CCDC7: variants seen among roughly 807,000 people sequenced by gnomAD.
The protein encoded by CCDC7 is coiled-coil domain containing 7, also known as coiled-coil domain-containing protein 7.
Under a neutral mutation model 196.9 loss-of-function variants are expected in CCDC7, and 183 were observed. The observed-to-expected ratio is 0.93, with a 90% CI of 0.82 to 1.05. CCDC7 has a LOEUF of 1.05. Ranked by LOEUF, CCDC7 falls within the 50% of genes least tolerant of loss-of-function variation. The pLI is 0.00. For synonymous variants in CCDC7, 525 were observed against 484.6 expected, an observed-to-expected ratio of 1.08 and a Z score of -1.10; for missense variants, 1,540 against 1,482.2, an observed-to-expected ratio of 1.04 and a Z score of -0.64.
At chr10:32,797,277 A>G (rs1255989347) in intron 29 of CCDC7, among the ~76,000 whole-genome samples, 1 of 151,198 alleles carries the variant, frequency 6.6e-6, no homozygotes, top group Non-Finnish European at 1.5e-5. Context: ...ATGCGTATAT[A>G]TATACATATG....
chr10:32,703,149 G>T (rs2079055251), intron 24 of CCDC7, among the ~76,000 whole-genome samples: 2 of 152,112 alleles, frequency 1.3e-5, no homozygotes, highest in South Asian at 2.1e-4. Context: ...GCAGTGGCTG[G>T]TACTGGTTGT....
At chr10:32,619,898 C>T (rs11593502) in intron 18 of CCDC7, among the ~76,000 whole-genome samples, 20,180 of 145,016 alleles carry the variant, frequency 0.14, 1,707 homozygotes, top group African/African-American at 0.24. Flanking sequence ...TGCTCCCAGC[C>T]CTTCAATGTA....
intron 28 of CCDC7, among the ~76,000 whole-genome samples, chr10:32,777,778 C>T (rs547933270): frequency 3.3e-5 from 5 of 152,074 alleles, no homozygotes; most frequent in Admixed American, 2.0e-4. Context: ...ACAGGAGAAT[C>T]GCTTGAACCT....
chr10:32,784,383 C>CTTA, intron 29 of CCDC7, among the ~76,000 whole-genome samples: 1 of 152,086 alleles, frequency 6.6e-6, no homozygotes, highest in South Asian at 2.1e-4. Flanking sequence ...GCACACCCCA[C>CTTA]GGCCCTCTGA....
At chr10:32,463,911 T>TC (rs2133729332) in intron 5 of CCDC7, among the ~76,000 whole-genome samples, 2 of 152,324 alleles carry the variant, frequency 1.3e-5, no homozygotes, top group African/African-American at 4.8e-5. Context: ...GGCATAGAGG[T>TC]CATTATCCTT....
intron 20 of CCDC7, among the ~76,000 whole-genome samples, chr10:32,655,969 A>G (rs904208331): frequency 5.9e-5 from 9 of 152,166 alleles, no homozygotes; most frequent in African/African-American, 1.9e-4. Context: ...TATCAGATCT[A>G]TAGTTTGCAA....
chr10:32,745,279 G>T (rs914687188), intron 28 of CCDC7, among the ~76,000 whole-genome samples: 2 of 152,156 alleles, frequency 1.3e-5, no homozygotes, highest in Non-Finnish European at 2.9e-5. Context: ...GTTGTCTCTT[G>T]TCTTAGTTCC....
chr10:32,637,056 G>A lies in CCDC7; in HGVS notation c.2014+1898G>A, dbSNP rs561912634. Among the ~76,000 whole-genome samples the A allele has an allele frequency of 1.6e-3, 237 of 152,196 alleles. 2 individuals are homozygous for A. Among genetic ancestry groups the A allele is most frequent in the African/African-American group, 5.3e-3 (221 of 41,518 alleles). Reference sequence around the variant, plus strand: ...TGAGAAGTGTTTGTTCATATCTTTCGCCCACTTTTTGATGGGGTTGTTTGT... The same window carrying A: ...TGAGAAGTGTTTGTTCATATCTTTCACCCACTTTTTGATGGGGTTGTTTGT... On this transcript the variant is annotated intron_variant, in intron 20 of 41. Transcript: ENST00000639629.
intron 28 of CCDC7, among the ~76,000 whole-genome samples, chr10:32,773,358 T>G (rs900970222): frequency 7.9e-5 from 12 of 152,210 alleles, no homozygotes; most frequent in African/African-American, 2.9e-4. Flanking sequence ...TTCTTCATTG[T>G]TTTTTATTCA....
intron 11 of CCDC7, among the ~76,000 whole-genome samples, chr10:32,530,346 G>A (rs778482773): frequency 2.0e-5 from 3 of 151,452 alleles, no homozygotes; most frequent in East Asian, 3.9e-4. Flanking sequence ...CATTGAGTTT[G>A]TAGATTGCTT....
At chr10:32,590,441 A>G (rs1371030771) in intron 18 of CCDC7, among the ~76,000 whole-genome samples, 1 of 152,014 alleles carries the variant, frequency 6.6e-6, no homozygotes, top group Non-Finnish European at 1.5e-5. Context: ...ATTGTTAACT[A>G]TGTCTTGGAA....
intron 18 of CCDC7, among the ~76,000 whole-genome samples, chr10:32,586,388 A>G (rs1268089362): frequency 6.6e-6 from 1 of 151,934 alleles, no homozygotes; most frequent in Admixed American, 6.6e-5. Context: ...ATTAGATCTT[A>G]TTTGTCAATT....
intron 41 of CCDC7, among the ~76,000 whole-genome samples, chr10:32,857,711 G>A (rs2093806218): frequency 6.6e-6 from 1 of 151,866 alleles, no homozygotes; most frequent in Non-Finnish European, 1.5e-5. Flanking sequence ...CTAATGTTAT[G>A]CCTCAAGGAG....
intron 21 of CCDC7, among the ~76,000 whole-genome samples, chr10:32,678,622 C>T (rs2075386918): frequency 1.3e-5 from 2 of 152,046 alleles, no homozygotes; most frequent in Admixed American, 6.5e-5. Context: ...TGCTGATTCC[C>T]TGAGTGTTTT....
chr10:32,716,922 C>T lies in CCDC7; in HGVS notation c.2569+5192C>T, dbSNP rs1286484814. Reference sequence around the variant, plus strand: ...GAACGTTCTTAGAGACTTAGACTCCCACACAATAATAGTGTGATACTTTAA... The same window carrying T: ...GAACGTTCTTAGAGACTTAGACTCCTACACAATAATAGTGTGATACTTTAA... On this transcript the variant is annotated intron_variant, in intron 25 of 41. Transcript: ENST00000639629. Among the ~76,000 whole-genome samples the T allele has an allele frequency of 4.6e-5, 7 of 152,090 alleles. No individual in the cohort carries two copies. In the East Asian group the frequency reaches 1.2e-3, roughly 25 times the overall value.
intron 9 of CCDC7, among the ~76,000 whole-genome samples, chr10:32,506,741 A>C (rs1465393077): frequency 7.1e-6 from 1 of 140,364 alleles, no homozygotes; most frequent in African/African-American, 3.3e-5. Context: ...AATCCCAGGC[A>C]CTCGGCGGGC....
rs1215460587 is a variant in CCDC7 at position 32,665,054 on chromosome 10, G to C, written c.2122+893G>C. On this transcript the variant is annotated intron_variant, in intron 21 of 41. Transcript: ENST00000639629. ...TTGTGGTTTTAATTTGCATGTCCCTGATGATTAGTGATGTTGAACACTTGT... is the reference window on the plus strand; with the variant it reads ...TTGTGGTTTTAATTTGCATGTCCCTCATGATTAGTGATGTTGAACACTTGT... 2.6e-5 allele frequency among the ~76,000 whole-genome samples: 4 copies of C among 151,972 alleles called. No individual in the cohort carries two copies. In the East Asian group the frequency reaches 7.7e-4, roughly 29 times the overall value.
intron 29 of CCDC7, among the ~76,000 whole-genome samples, chr10:32,803,870 T>G (rs11009088): frequency 0.09 from 13,751 of 152,180 alleles, 882 homozygotes; most frequent in East Asian, 0.33. Flanking sequence ...TGTGTCCCTC[T>G]TCCAGTATGT....
At chr10:32,866,833 G>A (rs1017604612) in intron 41 of CCDC7, among the ~76,000 whole-genome samples, 2 of 151,684 alleles carry the variant, frequency 1.3e-5, no homozygotes. Flanking sequence ...AGTAAAAAAA[G>A]TACTTTACAG....
Sources: gnomAD v4.1 joint callset for allele counts (sites outside exome capture counted in the v4.1 genomes callset) on GRCh38, gnomAD v4.1.1 for gene constraint, MANE v1.5 for transcripts, NCBI Gene and HGNC (gene_info 2026-07-23, HGNC 2026-07-21) for gene names.